Variants in NRXN1 observed in about 807,000 individuals in gnomAD.
The protein encoded by NRXN1 is neurexin 1.
In NRXN1, 39 loss-of-function variants were observed where a neutral mutation model predicts 150.9. That is an observed-to-expected ratio of 0.26 (90% CI 0.20 to 0.34). The LOEUF (loss-of-function observed/expected upper bound fraction) is 0.34. Among genes scored for constraint, NRXN1 ranks in the 10% least tolerant of loss-of-function variants. NRXN1 has a pLI of 1.00. For synonymous variants in NRXN1, 924 were observed against 757.0 expected, an observed-to-expected ratio of 1.22 and a Z score of -3.62; for missense variants, 1,815 against 1,949.9, an observed-to-expected ratio of 0.93 and a Z score of 1.30.
chr2:50,460,526 C>T (rs372548064), intron 17 of NRXN1, among the ~76,000 whole-genome samples: 3 of 151,924 alleles, frequency 2.0e-5, no homozygotes, highest in Non-Finnish European at 4.4e-5. Context: ...ATTCAGCTGC[C>T]CAACAATAAT....
intron 21 of NRXN1, among the ~76,000 whole-genome samples, chr2:49,981,372 T>C (rs1034044251): frequency 7.3e-5 from 11 of 150,352 alleles, no homozygotes; most frequent in Middle Eastern, 3.2e-3. Flanking sequence ...TTAAGGAAAA[T>C]TGGAAAAAAG....
intron 18 of NRXN1, among the ~76,000 whole-genome samples, chr2:50,177,198 C>T (rs1315076380): frequency 6.6e-6 from 1 of 152,086 alleles, no homozygotes; most frequent in Non-Finnish European, 1.5e-5. Flanking sequence ...GTGCACCCAT[C>T]ACCCAAATGT....
chr2:50,301,629 C>T (rs1032724059), intron 17 of NRXN1, among the ~76,000 whole-genome samples: 4 of 152,106 alleles, frequency 2.6e-5, no homozygotes, highest in African/African-American at 9.7e-5. Context: ...GTACTCTGTA[C>T]CCTGCAACCT....
intron 2 of NRXN1, among the ~76,000 whole-genome samples, chr2:50,944,650 G>A (rs1023113107): frequency 6.6e-6 from 1 of 152,128 alleles, no homozygotes; most frequent in Non-Finnish European, 1.5e-5. Flanking sequence ...TGTATACTGA[G>A]TAACAGCAAG....
intron 8 of NRXN1, chr2:50,615,542 G>A (rs1195453296): frequency 6.6e-6 from 1 of 152,152 alleles, no homozygotes; most frequent in Non-Finnish European, 1.5e-5. Context: ...GGAGATTAAT[G>A]AGGGAGCGCC....
At chr2:50,255,792 G>T (rs1486432374) in intron 17 of NRXN1, among the ~76,000 whole-genome samples, 1 of 152,052 alleles carries the variant, frequency 6.6e-6, no homozygotes, top group Non-Finnish European at 1.5e-5. Context: ...TAAGTTTTAT[G>T]ACTCATGAGG....
intron 19 of NRXN1, among the ~76,000 whole-genome samples, chr2:50,061,600 G>A (rs768865185): frequency 1.3e-5 from 2 of 152,142 alleles, no homozygotes; most frequent in African/African-American, 2.4e-5. Context: ...TATAAAAAGG[G>A]TCCAAAAGGA....
intron 5 of NRXN1, among the ~76,000 whole-genome samples, chr2:50,669,898 C>A (rs1451852813): frequency 6.6e-6 from 1 of 151,238 alleles, no homozygotes; most frequent in African/African-American, 2.4e-5. Context: ...ATTAATCAGA[C>A]CTCAAATTTA....
intron 8 of NRXN1, among the ~76,000 whole-genome samples, chr2:50,568,476 G>A (rs894821107): frequency 2.6e-5 from 4 of 152,044 alleles, no homozygotes; most frequent in Non-Finnish European, 5.9e-5. Context: ...TTTAAAATGG[G>A]CAAAAGATCT....
intron 18 of NRXN1, among the ~76,000 whole-genome samples, chr2:50,201,948 C>T (rs1172253046): frequency 6.6e-6 from 1 of 152,092 alleles, no homozygotes; most frequent in Non-Finnish European, 1.5e-5. Flanking sequence ...TTCTATTTTC[C>T]CCACTGTGAT....
rs1670614812 is a variant in NRXN1 at position 49,934,166 on chromosome 2, T to A, written c.4216+9538A>T. ...TCATAAAATCAATCATCTAAGACTA[T>A]TCTTTGGTAATAAATAGCTGACAGC... On this transcript the variant is annotated intron_variant, in intron 22 of 22. Coordinates refer to ENST00000401669, the MANE Select transcript of NRXN1 (RefSeq NM_001330078.2). Among the ~76,000 whole-genome samples the A allele has an allele frequency of 2.0e-5, 3 of 152,232 alleles. No homozygotes were observed. In the South Asian group the frequency reaches 6.2e-4, roughly 32 times the overall value.
intron 18 of NRXN1, among the ~76,000 whole-genome samples, chr2:50,133,814 A>T (rs1056999060): frequency 1.3e-5 from 2 of 152,202 alleles, no homozygotes; most frequent in African/African-American, 4.8e-5. Flanking sequence ...GCCATGAGGA[A>T]TTATTTTATG....
Position 50,346,694 on chromosome 2 carries a change from G to A in NRXN1, c.3365-109724C>T, listed in dbSNP as rs1046251745. On this transcript the variant is annotated intron_variant, in intron 17 of 22. Coordinates refer to ENST00000401669, the MANE Select transcript of NRXN1 (RefSeq NM_001330078.2). This position sits in a 1 kb window ranked among gnomAD's most constrained non-coding sequence, Gnocchi z 5.0. ...GAACTTGGCATCGCAGACCCACCGT[G>A]TCCGCCTCGCAAGGATGCCGGTGAC... 3 of 1,613,210 alleles carry A rather than the reference G, an allele frequency of 1.9e-6. No homozygotes were observed. Among genetic ancestry groups the A allele is most frequent in the Non-Finnish European group, 2.5e-6 (3 of 1,179,590 alleles).
chr2:50,596,446 G>A (rs1002232073), intron 8 of NRXN1, among the ~76,000 whole-genome samples: 1 of 152,048 alleles, frequency 6.6e-6, no homozygotes. Flanking sequence ...ATAACCCTTT[G>A]TTATCCTACT....
intron 5 of NRXN1, among the ~76,000 whole-genome samples, chr2:50,746,725 T>TC (rs1700072600): frequency 6.6e-6 from 1 of 152,086 alleles, no homozygotes; most frequent in African/African-American, 2.4e-5. Context: ...CTGTGAGTCA[T>TC]CCCCCTTGTC....
chr2:50,393,643 G>C (rs1294554611), intron 17 of NRXN1, among the ~76,000 whole-genome samples: 1 of 151,958 alleles, frequency 6.6e-6, no homozygotes, highest in Non-Finnish European at 1.5e-5. Context: ...ATTTTTACTA[G>C]TATTTTTATT....
At chr2:50,141,411 C>CG (rs1374169141) in intron 18 of NRXN1, among the ~76,000 whole-genome samples, 4 of 151,992 alleles carry the variant, frequency 2.6e-5, no homozygotes, top group African/African-American at 9.6e-5. Context: ...AAAGATTTTA[C>CG]GGCTAAGTCC....
At chr2:50,325,375 C>T (rs1410959766) in intron 17 of NRXN1, among the ~76,000 whole-genome samples, 1 of 152,110 alleles carries the variant, frequency 6.6e-6, no homozygotes, top group African/African-American at 2.4e-5. Flanking sequence ...TTTGTCATGC[C>T]CCCCACCAGG....
intron 5 of NRXN1, among the ~76,000 whole-genome samples, chr2:50,684,478 G>T (rs566444738): frequency 6.6e-6 from 1 of 152,038 alleles, no homozygotes; most frequent in South Asian, 2.1e-4. Context: ...CTGCAGCCTG[G>T]GTGACAGAGC....
Sources: allele counts gnomAD v4.1 joint callset (sites outside exome capture counted in the v4.1 genomes callset), GRCh38; gene constraint gnomAD v4.1.1; non-coding constraint Gnocchi (gnomAD v3.1); transcripts MANE v1.5; gene names NCBI Gene and HGNC (gene_info 2026-07-23, HGNC 2026-07-21).